ITPK1: variants seen among roughly 807,000 people sequenced by gnomAD.
ITPK1 encodes the protein inositol-tetrakisphosphate 1-kinase, also known as inositol 1,3,4-trisphosphate 5/6-kinase.
A neutral mutation model predicts 45.3 loss-of-function variants in ITPK1; 21 were observed. That is an observed-to-expected ratio of 0.46 (90% CI 0.33 to 0.67). The LOEUF is 0.67. ITPK1 is among the 30% of genes least tolerant of loss of function. The probability of loss-of-function intolerance (pLI) is 0.02; values close to 1 mark genes in which losing one functional copy is unlikely to be tolerated. For synonymous variants in ITPK1, 258 were observed against 253.6 expected, an observed-to-expected ratio of 1.02 and a Z score of -0.16; for missense variants, 474 against 573.5, an observed-to-expected ratio of 0.83 and a Z score of 1.77.
chr14:92,995,853 T>C (rs1409974750), intron 4 of ITPK1, among the ~76,000 whole-genome samples: 2 of 152,208 alleles, frequency 1.3e-5, no homozygotes, highest in Admixed American at 6.5e-5. Flanking sequence ...AGAGCTGCCC[T>C]GGGGCCAAGC....
rs1888078126 is a variant in ITPK1, at chr14:93,014,531, C to T, written c.246+2145G>A. On this transcript the variant is annotated intron_variant, in intron 4 of 10. Coordinates refer to ENST00000267615, the MANE Select transcript of ITPK1 (RefSeq NM_014216.6). The surrounding 1 kb of genome is among the most constrained non-coding windows in gnomAD (Gnocchi z 4.4). The stretch of plus-strand genomic sequence containing the variant: ...CACTTTACACCCACAGGCATTTACT[C>T]CTCCCAGCAACCTGCCCACCCAAGG... 6.6e-6 allele frequency among the ~76,000 whole-genome samples: 1 copy of T among 152,198 alleles called. No individual in the cohort carries two copies.
chr14:92,938,579 G>C lies in ITPK1; in HGVS notation c.*2982C>G. 1 of 1,460,568 alleles carries C rather than the reference G, an allele frequency of 6.8e-7. No homozygotes were observed. The highest frequency in any genetic ancestry group is 1.2e-5 in the South Asian group (1 of 86,840). The allele number at this position is 1,460,568 out of a possible 1,614,324, so 90.5% of individuals were successfully genotyped here. On this transcript the variant is annotated 3_prime_UTR_variant, in exon 11 of 11. Transcript: ENST00000267615. ...AGGTTGCTTTCTCCTTTATTGACAGGCATGAGACACAGGCAGGCCCAGGCA... is the reference window on the plus strand; with the variant it reads ...AGGTTGCTTTCTCCTTTATTGACAGCCATGAGACACAGGCAGGCCCAGGCA...
chr14:93,072,384 T>G (rs1891049574), intron 3 of ITPK1, among the ~76,000 whole-genome samples: 1 of 152,054 alleles, frequency 6.6e-6, no homozygotes, highest in South Asian at 2.1e-4. Context: ...GGGAATTTTT[T>G]GAAAAATTAT....
intron 3 of ITPK1, among the ~76,000 whole-genome samples, chr14:93,029,305 G>A (rs1888911071): frequency 6.6e-6 from 1 of 152,074 alleles, no homozygotes; most frequent in South Asian, 2.1e-4. Context: ...ACCTCCACCT[G>A]GGGTCTGGAC....
intron 3 of ITPK1, among the ~76,000 whole-genome samples, chr14:93,064,144 G>A (rs566064325): frequency 3.9e-5 from 6 of 152,276 alleles, no homozygotes; most frequent in Admixed American, 6.5e-5. Context: ...TTAGCCGGGC[G>A]TGGTGGCGGG....
Position 93,115,292 on chromosome 14 carries a change from T to TG in ITPK1, c.-130dup. The TG allele has an allele frequency of 1.9e-6, 1 of 532,174 alleles. No individual in the cohort carries two copies. Among genetic ancestry groups the TG allele is most frequent in the East Asian group, 3.9e-5 (1 of 25,936 alleles). The allele number at this position is 532,174 out of a possible 1,614,324, so 33.0% of individuals were successfully genotyped here. A position where few individuals can be genotyped will look rare whatever the true frequency, so the allele number is the denominator to read the frequency against. On this transcript the variant is annotated 5_prime_UTR_variant, in exon 2 of 11. Transcript: ENST00000267615. ...GGGGACGCGGAACGGGGATCGGAGCTGGGGCGCGCAGTCCTGCCGCGCGGA... is the reference window on the plus strand; with the variant it reads ...GGGGACGCGGAACGGGGATCGGAGCTGGGGGCGCGCAGTCCTGCCGCGCGGA...
Position 93,063,019 on chromosome 14 carries a change from T to A in ITPK1, c.120+13576A>T, listed in dbSNP as rs1381639527. Among the ~76,000 whole-genome samples, 2 of 152,164 alleles carry A rather than the reference T, an allele frequency of 1.3e-5. No homozygotes were observed. The highest frequency in any genetic ancestry group is 4.8e-5 in the African/African-American group (2 of 41,418). ...GCTTAAGGGAGGGCCAGGCCTGGCATTTGTCAAGATTTAACAAGTTCAGTA... is the reference window on the plus strand; with the variant it reads ...GCTTAAGGGAGGGCCAGGCCTGGCAATTGTCAAGATTTAACAAGTTCAGTA... On this transcript the variant is annotated intron_variant, in intron 3 of 10. Transcript: ENST00000267615. This position sits in a 1 kb window ranked among gnomAD's most constrained non-coding sequence, Gnocchi z 4.3.
chr14:92,941,000 G>A lies in ITPK1; in HGVS notation c.*561C>T. The A allele has an allele frequency of 5.5e-6, 7 of 1,269,786 alleles. No homozygotes were observed. Among genetic ancestry groups the A allele is most frequent in the South Asian group, 1.3e-5 (1 of 78,604 alleles). The allele number at this position is 1,269,786 out of a possible 1,614,324, so 78.7% of individuals were successfully genotyped here. On this transcript the variant is annotated 3_prime_UTR_variant, in exon 11 of 11. Transcript: ENST00000267615. ...GAGGGGTCTGTGGCCTCCTCTGGCTGTGGGGAGGGAGGGGTTAGCTGCACA... is the reference window on the plus strand; with the variant it reads ...GAGGGGTCTGTGGCCTCCTCTGGCTATGGGGAGGGAGGGGTTAGCTGCACA...
At chr14:92,964,523 T>C (rs1334756304) in intron 5 of ITPK1, among the ~76,000 whole-genome samples, 1 of 152,136 alleles carries the variant, frequency 6.6e-6, no homozygotes, top group Non-Finnish European at 1.5e-5. Context: ...GAGGAAGCAG[T>C]CTGAGCAAAA....
chr14:92,997,422 C>T (rs1887111526), intron 4 of ITPK1, among the ~76,000 whole-genome samples: 1 of 152,194 alleles, frequency 6.6e-6, no homozygotes, highest in South Asian at 2.1e-4. Flanking sequence ...TAGCTTTTGA[C>T]TGGGGATGAA....
intron 3 of ITPK1, among the ~76,000 whole-genome samples, chr14:93,051,149 G>A (rs1481972027): frequency 6.6e-6 from 1 of 152,130 alleles, no homozygotes; most frequent in East Asian, 1.9e-4. Context: ...CAGTCATCAC[G>A]CACCTGGCAG....
At chr14:92,959,393 G>A (rs898445668) in intron 7 of ITPK1, among the ~76,000 whole-genome samples, 11 of 152,246 alleles carry the variant, frequency 7.2e-5, no homozygotes, top group South Asian at 2.1e-4. Flanking sequence ...CAGCTGTCAC[G>A]GAGCGCCGGC....
chr14:92,952,135 A>G, intron 8 of ITPK1, 122 bp from the exon 9 acceptor site: 6 of 769,762 alleles, frequency 7.8e-6, no homozygotes, highest in Non-Finnish European at 1.1e-5. Flanking sequence ...GGCTCTGCAG[A>G]GCCCTGGGCT....
chr14:92,955,720 G>A (rs1455338412), intron 8 of ITPK1, among the ~76,000 whole-genome samples: 6 of 152,260 alleles, frequency 3.9e-5, no homozygotes, highest in Non-Finnish European at 8.8e-5. Context: ...CAGTTGTCGA[G>A]TGAAGACTCA....
chr14:93,019,879 T>G (rs1888382264), intron 3 of ITPK1, among the ~76,000 whole-genome samples: 2 of 152,122 alleles, frequency 1.3e-5, no homozygotes, highest in African/African-American at 4.8e-5. Flanking sequence ...CATTTCAAGG[T>G]TGTCATTCTG....
In ITPK1 at chr14:93,034,412, C is replaced by A. The variant is rs982854458; in HGVS notation, c.121-17611G>T. 6.6e-6 allele frequency among the ~76,000 whole-genome samples: 1 copy of A among 152,214 alleles called. No homozygotes were observed. The highest frequency in any genetic ancestry group is 2.4e-5 in the African/African-American group (1 of 41,448). On this transcript the variant is annotated intron_variant, in intron 3 of 10. Coordinates refer to ENST00000267615, the MANE Select transcript of ITPK1 (RefSeq NM_014216.6). The surrounding 1 kb of genome is among the most constrained non-coding windows in gnomAD (Gnocchi z 4.1). ...AAAACTCTTCTGGGGGCCCTACAGG[C>A]CTCCTCAGAGGGCGACTCCGGCCCC...
intron 2 of ITPK1, among the ~76,000 whole-genome samples, chr14:93,081,975 C>A (rs1006979586): frequency 5.9e-5 from 9 of 152,176 alleles, no homozygotes; most frequent in African/African-American, 1.2e-4. Context: ...ATCCAGGAGG[C>A]CTAGGGCAGG....
At chr14:93,035,349 G>A (rs879567196) in intron 3 of ITPK1, among the ~76,000 whole-genome samples, 2 of 152,228 alleles carry the variant, frequency 1.3e-5, no homozygotes, top group Admixed American at 1.3e-4. Flanking sequence ...ACAAAGGCAG[G>A]CACAGGTATT....
intron 5 of ITPK1, among the ~76,000 whole-genome samples, chr14:92,980,302 C>T (rs1289176110): frequency 1.3e-5 from 2 of 152,188 alleles, no homozygotes; most frequent in African/African-American, 4.8e-5. Context: ...GAGCCAGAGC[C>T]CCTGAGGCAG....
Sources: allele counts gnomAD v4.1 joint callset (sites outside exome capture counted in the v4.1 genomes callset), GRCh38; gene constraint gnomAD v4.1.1; non-coding constraint Gnocchi (gnomAD v3.1); transcripts MANE v1.5; gene names NCBI Gene and HGNC (gene_info 2026-07-23, HGNC 2026-07-21).